Variants in CEP89 observed in about 807,000 individuals in gnomAD.
The protein encoded by CEP89 is centrosomal protein of 89 kDa.
Under a neutral mutation model 97.6 loss-of-function variants are expected in CEP89, and 95 were observed. The ratio of observed to expected loss-of-function variants is 0.97; its 90% CI spans 0.82 to 1.15. The LOEUF (loss-of-function observed/expected upper bound fraction) is 1.15. CEP89 is among the 50% of genes most tolerant of loss of function. The pLI, the probability that CEP89 is intolerant of heterozygous loss-of-function variation, is 0.00. For synonymous variants in CEP89, 354 were observed against 349.1 expected (o/e 1.01, Z -0.16); for missense variants, 869 against 947.7 (o/e 0.92, Z 1.09).
Position 32,944,220 on chromosome 19 carries a change from T to TAAAAAAAAAAAAA in CEP89, c.595+4033_595+4045dup, listed in dbSNP as rs750448528. Among the ~76,000 whole-genome samples, 41 of 62,392 alleles carry TAAAAAAAAAAAAA rather than the reference T, an allele frequency of 6.6e-4. 3 individuals carry two copies. Among genetic ancestry groups the TAAAAAAAAAAAAA allele is most frequent in the African/African-American group, 1.9e-3 (28 of 14,904 alleles). The allele number at this position is 62,392 out of a possible 152,430, so 40.9% of individuals were successfully genotyped here. A position where few individuals can be genotyped will look rare whatever the true frequency, so the allele number is the denominator to read the frequency against. ...GCCTGGGCAACAGAGTGAGACCCTG[T>TAAAAAAAAAAAAA]AAAAAAAAAAAAAAAAAGACTCTTC... On this transcript the variant is annotated intron_variant, in intron 5 of 18. Coordinates refer to ENST00000305768, the MANE Select transcript of CEP89 (RefSeq NM_032816.5).
chr19:32,881,321 A>T (rs1243498431), intron 18 of CEP89, among the ~76,000 whole-genome samples: 1 of 151,964 alleles, frequency 6.6e-6, no homozygotes, highest in Non-Finnish European at 1.5e-5. Context: ...TAATAATAAT[A>T]ATAATAGAAA....
intron 17 of CEP89, among the ~76,000 whole-genome samples, chr19:32,883,330 C>T (rs999890080): frequency 9.2e-5 from 14 of 151,728 alleles, no homozygotes; most frequent in Non-Finnish European, 1.3e-4. Context: ...TTTGATTTTG[C>T]TTATTAATTT....
At chr19:32,890,587 TGAA>T (rs1401458911) in intron 16 of CEP89, among the ~76,000 whole-genome samples, 2 of 151,540 alleles carry the variant, frequency 1.3e-5, no homozygotes, top group Non-Finnish European at 2.9e-5. Context: ...ACCCGCGCAA[TGAA>T]GGAGAGGGAG....
chr19:32,931,601 A>G, intron 8 of CEP89, 30 bp from the exon 9 acceptor site: 1 of 1,494,578 alleles, frequency 6.7e-7, no homozygotes. Context: ...ATTATACTAT[A>G]AGAAATAACA....
chr19:32,916,945 T>G (rs1475943908), intron 13 of CEP89, among the ~76,000 whole-genome samples: 1 of 152,034 alleles, frequency 6.6e-6, no homozygotes, highest in East Asian at 1.9e-4. Context: ...CAGGCGGAAG[T>G]TGCAGTGAGC....
chr19:32,934,379 T>C (rs1019234448), intron 7 of CEP89, among the ~76,000 whole-genome samples: 3 of 152,178 alleles, frequency 2.0e-5, no homozygotes, highest in Admixed American at 1.3e-4. Flanking sequence ...CGAGGTCACA[T>C]AGGACCTTAA....
At chr19:32,897,606 G>A (rs1027114373) in intron 16 of CEP89, among the ~76,000 whole-genome samples, 2 of 152,076 alleles carry the variant, frequency 1.3e-5, no homozygotes, top group Non-Finnish European at 2.9e-5. Context: ...TTGAGACAGG[G>A]TCTTGTTCTA....
At chr19:32,909,815 G>A (rs1454740449) in intron 14 of CEP89, among the ~76,000 whole-genome samples, 3 of 152,164 alleles carry the variant, frequency 2.0e-5, no homozygotes, top group Admixed American at 6.5e-5. Context: ...AGAAGGATAC[G>A]AGAGACACCA....
intron 1 of CEP89, 53 bp from the exon 2 acceptor site, chr19:32,966,519 G>C: frequency 8.8e-7 from 1 of 1,136,178 alleles, no homozygotes; most frequent in South Asian, 1.8e-5. Context: ...TGGATCACCT[G>C]AGTCTTGTCA....
Position 32,937,821 on chromosome 19 carries a change from C to A in CEP89, c.625-148G>T, listed in dbSNP as rs1352218642. 5 of 688,530 alleles carry A rather than the reference C, an allele frequency of 7.3e-6. No homozygotes were observed. The South Asian group carries it at 8.5e-5, about 12-fold the overall frequency. 42.7% of individuals were successfully genotyped at this position (688,530 alleles called of 1,614,324 possible). A position where few individuals can be genotyped will look rare whatever the true frequency, so the allele number is the denominator to read the frequency against. On this transcript the variant is annotated intron_variant, in intron 6 of 18. Coordinates refer to ENST00000305768, the MANE Select transcript of CEP89 (RefSeq NM_032816.5). Reference sequence around the variant, plus strand: ...CTTGTTCTTTGTTTGTTTTAGCTTTCAAAACTTTAATATGTACTATTTCTT... The same window carrying A: ...CTTGTTCTTTGTTTGTTTTAGCTTTAAAAACTTTAATATGTACTATTTCTT...
chr19:32,958,020 C>CCCG (rs1568581293), intron 3 of CEP89, among the ~76,000 whole-genome samples: 1 of 150,956 alleles, frequency 6.6e-6, no homozygotes, highest in African/African-American at 2.4e-5. Flanking sequence ...AAATCCCCCC[C>CCCG]CCGCCAAAAA....
intron 10 of CEP89, among the ~76,000 whole-genome samples, chr19:32,926,694 T>G (rs1473827327): frequency 6.6e-6 from 1 of 152,200 alleles, no homozygotes; most frequent in Non-Finnish European, 1.5e-5. Flanking sequence ...CCCAAGTAGC[T>G]GGGACTATAG....
At chr19:32,929,725 C>T (rs1286233070) in intron 9 of CEP89, among the ~76,000 whole-genome samples, 2 of 152,216 alleles carry the variant, frequency 1.3e-5, no homozygotes, top group Admixed American at 6.5e-5. Context: ...GTCCCTGGGC[C>T]TGTCTGCCCG....
intron 18 of CEP89, among the ~76,000 whole-genome samples, chr19:32,879,763 G>C (rs954080510): frequency 6.6e-6 from 1 of 152,220 alleles, no homozygotes; most frequent in Non-Finnish European, 1.5e-5. Flanking sequence ...GCTGGCCTTG[G>C]CCAGCCAGAC....
At chr19:32,885,061 C>T (rs1024023271) in intron 17 of CEP89, among the ~76,000 whole-genome samples, 4 of 152,146 alleles carry the variant, frequency 2.6e-5, no homozygotes, top group South Asian at 2.1e-4. Flanking sequence ...TGCTTAAGCT[C>T]GTACCACTTG....
chr19:32,909,205 A>G (rs1357031815), intron 14 of CEP89, among the ~76,000 whole-genome samples: 1 of 152,218 alleles, frequency 6.6e-6, no homozygotes, highest in Admixed American at 6.5e-5. Flanking sequence ...CTCTAAGGAA[A>G]TTTAGCAAAC....
In CEP89 at chr19:32,901,339, C is replaced by G; in HGVS notation, c.1639G>C (p.Ala547Pro). 6.2e-7 allele frequency: 1 copy of G among 1,614,204 alleles called. No homozygotes were observed. Among genetic ancestry groups the G allele is most frequent in the Non-Finnish European group, 8.5e-7 (1 of 1,180,032 alleles). Residue 547 changes from alanine to proline, a missense_variant, in exon 15 of 19, where the codon GCG (alanine) becomes CCG (proline). Coordinates refer to ENST00000305768, the MANE Select transcript of CEP89 (RefSeq NM_032816.5). ...TCTAACAGCAGGCTCTTCTTCTGCG[C>G]TTGCAGGACTGTCAGCTTCTCCATC... is the stretch of plus-strand genomic sequence containing the variant. Reference protein sequence around the residue: ...ELMEKLTVLQAQKKSLLLEKN... With the variant: ...ELMEKLTVLQPQKKSLLLEKN...
chr19:32,943,517 C>T (rs746788043), intron 5 of CEP89, among the ~76,000 whole-genome samples: 2 of 151,542 alleles, frequency 1.3e-5, no homozygotes, highest in African/African-American at 2.4e-5. Flanking sequence ...CCCAACACTG[C>T]GGGAAGCCGA....
In CEP89 at chr19:32,878,650, G is replaced by A. The variant is rs1969211822; in HGVS notation, c.*512C>T. ...CAGAGAACATGCCCTGGCTAAAACA[G>A]ATTTCAGCAGCACGTTATTAAAATA... On this transcript the variant is annotated 3_prime_UTR_variant, in exon 19 of 19. Coordinates refer to ENST00000305768, the MANE Select transcript of CEP89 (RefSeq NM_032816.5). 6.6e-6 allele frequency: 1 copy of A among 152,510 alleles called. No individual in the cohort carries two copies. Among genetic ancestry groups the A allele is most frequent in the African/African-American group, 2.4e-5 (1 of 41,462 alleles). 9.4% of individuals were successfully genotyped at this position (152,510 alleles called of 1,614,324 possible). A position where few individuals can be genotyped will look rare whatever the true frequency, so the allele number is the denominator to read the frequency against.
Sources: allele counts gnomAD v4.1 joint callset (sites outside exome capture counted in the v4.1 genomes callset), GRCh38; gene constraint gnomAD v4.1.1; transcripts MANE v1.5; gene names NCBI Gene and HGNC (gene_info 2026-07-23, HGNC 2026-07-21).